SP5: variants seen among roughly 807,000 people sequenced by gnomAD.
SP5 encodes the protein Sp5 transcription factor, also known as transcription factor Sp5.
Under a neutral mutation model 27.4 loss-of-function variants are expected in SP5, and 12 were observed. That is an observed-to-expected ratio of 0.44 (90% CI 0.28 to 0.71). SP5 has a LOEUF of 0.71. Among genes scored for constraint, SP5 ranks in the 30% least tolerant of loss-of-function variants. The pLI is 0.15. For missense variants in SP5, 660 were observed against 589.8 expected, an observed-to-expected ratio of 1.12 and a Z score of -1.23; for synonymous variants, 330 against 290.7, an observed-to-expected ratio of 1.14 and a Z score of -1.38.
At chr2:170,715,903 C>G (rs1575381060) in intron 1 of SP5, 3 of 1,330,948 alleles carry the variant, frequency 2.3e-6, no homozygotes, top group East Asian at 3.2e-5. Flanking sequence ...GGAGAGCGGC[C>G]GGCCGGCGGG....
In SP5 at chr2:170,716,310, T is replaced by C. The variant is rs763263086; in HGVS notation, c.103T>C (p.Leu35=). The part of the protein sequence containing the change: ...PDLGKHSPLA[L]LAATCSRIGQ... ...CCTGGGCAAGCACTCGCCCCTGGCA[T>C]TGCTGGCCGCCACCTGTAGCCGCAT... Residue 35 remains leucine, a synonymous_variant, in exon 2 of 2, where the codon TTG becomes CTG. Transcript: ENST00000375281. 13 of 1,595,874 alleles carry C rather than the reference T, an allele frequency of 8.1e-6. No homozygotes were observed. The highest frequency in any genetic ancestry group is 1.1e-5 in the Non-Finnish European group (13 of 1,179,176).
At position 170,715,391 on chromosome 2, in the gene SP5, G is replaced by T; in HGVS notation, c.-122G>T. 7.6e-7 allele frequency: 1 copy of T among 1,322,062 alleles called. No individual in the cohort carries two copies. The highest frequency in any genetic ancestry group is 9.9e-7 in the Non-Finnish European group (1 of 1,008,688). The allele number at this position is 1,322,062 out of a possible 1,614,324, so 81.9% of individuals were successfully genotyped here. A position where few individuals can be genotyped will look rare whatever the true frequency, so the allele number is the denominator to read the frequency against. Reference sequence around the variant, plus strand: ...GCGGCGAGGGGCAAGGGCGGGGAGGGCCCCGGCGCTCAGAGCAGGCGCCAG... The same window carrying T: ...GCGGCGAGGGGCAAGGGCGGGGAGGTCCCCGGCGCTCAGAGCAGGCGCCAG... On this transcript the variant is annotated 5_prime_UTR_variant, in exon 1 of 2. Coordinates refer to ENST00000375281, the MANE Select transcript of SP5 (RefSeq NM_001003845.3).
chr2:170,716,567 G>A lies in SP5; in HGVS notation c.360G>A (p.Ser120=), dbSNP rs753860882. Residue 120 remains serine (S), a synonymous_variant, in exon 2 of 2, where the codon TCG becomes TCA. Transcript: ENST00000375281. ...CCCTTACACCCCCCGCCGACCCCTC[G>A]TACCCCTACGAGTTCTCGCCGGTCA... ...ELPLTPPADP[S]YPYEFSPVKM... 2 of 1,610,720 alleles carry A rather than the reference G, an allele frequency of 1.2e-6. No homozygotes were observed. Among genetic ancestry groups the A allele is most frequent in the South Asian group, 1.1e-5 (1 of 90,928 alleles).
intron 1 of SP5, 48 bp downstream of exon 1, chr2:170,715,611 G>C: frequency 6.5e-7 from 1 of 1,533,312 alleles, no homozygotes; most frequent in Non-Finnish European, 8.8e-7. Context: ...AAAGGGCCGT[G>C]TCCGGATCTC....
rs1029390750 is a variant in SP5 at position 170,715,769 on chromosome 2, G to A, written c.51+206G>A. 32 of 985,324 alleles carry A rather than the reference G, an allele frequency of 3.2e-5. No homozygotes were observed. The African/African-American group carries it at 5.4e-4, about 17-fold the overall frequency. 61.0% of individuals were successfully genotyped at this position (985,324 alleles called of 1,614,324 possible). A position where few individuals can be genotyped will look rare whatever the true frequency, so the allele number is the denominator to read the frequency against. ...CGCGTGGATCCGGGATTGTTCGGAG[G>A]TGCCCGGCTGGCCGAGAACAGGACC... is the stretch of plus-strand genomic sequence containing the variant. On this transcript the variant is annotated intron_variant, in intron 1 of 1. Coordinates refer to ENST00000375281, the MANE Select transcript of SP5 (RefSeq NM_001003845.3).
In SP5 at chr2:170,717,903, A is replaced by G. The variant is rs1230055078; in HGVS notation, c.*499A>G. On this transcript the variant is annotated 3_prime_UTR_variant, in exon 2 of 2. Transcript: ENST00000375281. Reference sequence around the variant, plus strand: ...CTTCAGCTCCATGCAGAGCTACAGCATGATATGTCTCTGTAAAGTGATCAG... The same window carrying G: ...CTTCAGCTCCATGCAGAGCTACAGCGTGATATGTCTCTGTAAAGTGATCAG... The G allele has an allele frequency of 1.7e-4, 27 of 156,958 alleles. No individual in the cohort carries two copies. The highest frequency in any genetic ancestry group is 1.7e-3 in the Admixed American group (27 of 15,762). The allele number at this position is 156,958 out of a possible 1,614,324, so 9.7% of individuals were successfully genotyped here.
intron 1 of SP5, 62 bp from the exon 2 acceptor site, chr2:170,716,197 C>G (rs1359332563): frequency 2.3e-5 from 35 of 1,534,928 alleles, no homozygotes; most frequent in Non-Finnish European, 3.0e-5. Context: ...CGGGCTGGCC[C>G]GGAGTCCGCG....
At chr2:170,716,200 A>G in intron 1 of SP5, 59 bp from the exon 2 acceptor site, 1 of 1,537,080 alleles carries the variant, frequency 6.5e-7, no homozygotes, top group Non-Finnish European at 8.7e-7. Flanking sequence ...GCTGGCCCGG[A>G]GTCCGCGCTT....
intron 1 of SP5, chr2:170,715,936 TACTG>T: frequency 2.2e-6 from 3 of 1,339,556 alleles, no homozygotes; most frequent in Non-Finnish European, 2.9e-6. Flanking sequence ...TCCCGACTCT[TACTG>T]ACCACGGAGC....
In SP5 at chr2:170,716,322, A is replaced by G. The variant is rs1222954856; in HGVS notation, c.115A>G (p.Thr39Ala). ...CTCGCCCCTGGCATTGCTGGCCGCC[A>G]CCTGTAGCCGCATCGGCCAGCCGGG... Reference protein sequence around the residue: ...KHSPLALLAATCSRIGQPGAA... With the variant: ...KHSPLALLAAACSRIGQPGAA... Residue 39 changes from threonine to alanine, a missense_variant, in exon 2 of 2, where the codon ACC becomes GCC. Transcript: ENST00000375281. 1 of 1,595,326 alleles carries G rather than the reference A, an allele frequency of 6.3e-7. No homozygotes were observed. Among genetic ancestry groups the G allele is most frequent in the African/African-American group, 1.3e-5 (1 of 74,646 alleles).
intron 1 of SP5, chr2:170,715,967 G>A: frequency 2.2e-6 from 3 of 1,349,896 alleles, no homozygotes; most frequent in Non-Finnish European, 2.8e-6. Flanking sequence ...GGGCCCGTCG[G>A]ATGCCTCCCC....
chr2:170,715,758 A>T (rs1700049396), intron 1 of SP5, 195 bp downstream of exon 1: 1 of 985,198 alleles, frequency 1.0e-6, no homozygotes, highest in African/African-American at 1.7e-5. Context: ...TGGATCCGGG[A>T]TTGTTCGGAG....
chr2:170,717,281 TC>T lies in SP5; in HGVS notation c.1077del (p.Glu360SerfsTer146). 6.2e-7 allele frequency: 1 copy of T among 1,610,046 alleles called. No homozygotes were observed. The highest frequency in any genetic ancestry group is 8.5e-7 in the Non-Finnish European group (1 of 1,179,776). On this transcript the variant is annotated frameshift_variant, in exon 2 of 2. Coordinates refer to ENST00000375281, the MANE Select transcript of SP5 (RefSeq NM_001003845.3). LOFTEE classifies it high-confidence loss of function. Reference protein sequence around the residue: ...THTGEKRFACPECGKRFMRSD... With the variant: ...THTGEKRFACXECGKRFMRSD... ...ACACGGGCGAGAAGCGCTTTGCCTG[TC>T]CCGAGTGCGGCAAGCGCTTCATGCG... is the stretch of plus-strand genomic sequence containing the variant.
In SP5 at chr2:170,716,554, C is replaced by G. The variant is rs901008140; in HGVS notation, c.347C>G (p.Pro116Arg). ...GAAHELPLTPPADPSYPYEFS... is the reference protein window; with the variant it reads ...GAAHELPLTPRADPSYPYEFS... ...GCGCACGAGCTTCCCCTTACACCCC[C>G]CGCCGACCCCTCGTACCCCTACGAG... The change falls in exon 2 of 2, where the codon CCC (proline) becomes CGC (arginine). Residue 116 changes from proline (P) to arginine (R), a missense_variant. Transcript: ENST00000375281. 7.4e-6 allele frequency: 12 copies of G among 1,610,862 alleles called. No individual in the cohort carries two copies. The highest frequency in any genetic ancestry group is 1.7e-5 in the Admixed American group (1 of 59,916).
At position 170,716,399 on chromosome 2, in the gene SP5, C is replaced by G. The variant is rs76206900; in HGVS notation, c.192C>G (p.Gly64=). 14,596 of 1,599,120 alleles carry G rather than the reference C, an allele frequency of 9.1e-3. 935 individuals are homozygous for G. The African/African-American group carries it at 0.15, about 16-fold the overall frequency. Residue 64 remains glycine, a synonymous_variant, in exon 2 of 2, where the codon GGC becomes GGG. Transcript: ENST00000375281. ...AGGTGCCCTACGACCCCGCGCTGGG[C>G]TCACCCTCCAGGCTCTTCCACCCGT... ...FLQVPYDPAL[G]SPSRLFHPWT... is the part of the protein sequence containing the mutation.
Position 170,716,281 on chromosome 2 carries a change from C to G in SP5, c.74C>G (p.Pro25Arg). ...FLQDRTPSAS[P>R]DLGKHSPLAL... is the part of the protein sequence containing the mutation. The stretch of plus-strand genomic sequence containing the variant: ...CAGGACCGCACCCCCAGCGCCTCCC[C>G]GGACCTGGGCAAGCACTCGCCCCTG... The change falls in exon 2 of 2, where the codon CCG becomes CGG. Residue 25 changes from proline to arginine, a missense_variant. Coordinates refer to ENST00000375281, the MANE Select transcript of SP5 (RefSeq NM_001003845.3). The G allele has an allele frequency of 3.1e-6, 5 of 1,595,140 alleles. No individual in the cohort carries two copies. Among genetic ancestry groups the G allele is most frequent in the Non-Finnish European group, 3.4e-6 (4 of 1,179,062 alleles).
At position 170,717,984 on chromosome 2, in the gene SP5, G is replaced by C. The variant is rs1044731704; in HGVS notation, c.*580G>C. On this transcript the variant is annotated 3_prime_UTR_variant, in exon 2 of 2. Transcript: ENST00000375281. ...TCAGGGGTCACTACAGGAAGACCCC[G>C]TTGAGCCGGTCTCATTTGATCTTTT... 6.6e-6 allele frequency: 1 copy of C among 152,456 alleles called. No homozygotes were observed. Among genetic ancestry groups the C allele is most frequent in the African/African-American group, 2.4e-5 (1 of 41,456 alleles). 9.4% of individuals were successfully genotyped at this position (152,456 alleles called of 1,614,324 possible). A position where few individuals can be genotyped will look rare whatever the true frequency, so the allele number is the denominator to read the frequency against.
intron 1 of SP5, chr2:170,716,028 C>T (rs1037726955): frequency 7.2e-7 from 1 of 1,383,694 alleles, no homozygotes; most frequent in Non-Finnish European, 9.3e-7. Context: ...CTCAGTGCAC[C>T]AAGTAGTTTA....
rs1347604000 is a variant in SP5 at position 170,717,446 on chromosome 2, A to G, written c.*42A>G. 6.3e-7 allele frequency: 1 copy of G among 1,599,082 alleles called. No homozygotes were observed. The highest frequency in any genetic ancestry group is 1.3e-5 in the African/African-American group (1 of 74,732). Reference sequence around the variant, plus strand: ...ACCCCCTTCCCAGCACCTCTGCGAGAGATCCGGGGACCTGTGGGCAGCTGG... The same window carrying G: ...ACCCCCTTCCCAGCACCTCTGCGAGGGATCCGGGGACCTGTGGGCAGCTGG... On this transcript the variant is annotated 3_prime_UTR_variant, in exon 2 of 2. Transcript: ENST00000375281.
Sources: gnomAD v4.1 joint callset for allele counts on GRCh38, gnomAD v4.1.1 for gene constraint, MANE v1.5 for transcripts, NCBI Gene and HGNC (gene_info 2026-07-23, HGNC 2026-07-21) for gene names.